The following FHIP2A variants were observed in gnomAD, a reference collection of about 807,000 sequenced individuals.
FHIP2A encodes the protein FHF complex subunit HOOK interacting protein 2A.
Under a neutral mutation model 93.5 loss-of-function variants are expected in FHIP2A, and 46 were observed. The ratio of observed to expected loss-of-function variants is 0.49; its 90% CI spans 0.39 to 0.63. The LOEUF (loss-of-function observed/expected upper bound fraction) is 0.63. FHIP2A is among the 20% of genes least tolerant of loss of function. The pLI, the probability that FHIP2A is intolerant of heterozygous loss-of-function variation, is 0.00. For synonymous variants in FHIP2A, 332 were observed against 326.5 expected (o/e 1.02, Z -0.18); for missense variants, 769 against 909.7 (o/e 0.85, Z 1.99).
chr10:114,862,832 T>A lies in FHIP2A; in HGVS notation c.*1292T>A. ...TCTTCTTCATCTTTCCATTTACTGA[T>A]ATTTGGGGGAACAGGCTATCAAAGG... On this transcript the variant is annotated 3_prime_UTR_variant, in exon 17 of 17. Transcript: ENST00000369248. 1 of 985,466 alleles carries A rather than the reference T, an allele frequency of 1.0e-6. No individual in the cohort carries two copies. The highest frequency in any genetic ancestry group is 1.2e-6 in the Non-Finnish European group (1 of 829,936). 61.0% of individuals were successfully genotyped at this position (985,466 alleles called of 1,614,324 possible). A position where few individuals can be genotyped will look rare whatever the true frequency, so the allele number is the denominator to read the frequency against.
intron 5 of FHIP2A, among the ~76,000 whole-genome samples, chr10:114,841,785 G>A (rs1206180604): frequency 6.6e-6 from 1 of 152,100 alleles, no homozygotes; most frequent in African/African-American, 2.4e-5. Flanking sequence ...AATTCATTCA[G>A]CCTTTAATAT....
chr10:114,834,642 A>G (rs1322169583), intron 3 of FHIP2A, among the ~76,000 whole-genome samples: 3 of 152,224 alleles, frequency 2.0e-5, no homozygotes, highest in African/African-American at 2.4e-5. Context: ...CTTAATCTGC[A>G]GTGTGAGTGA....
Position 114,863,820 on chromosome 10 carries a change from A to G in FHIP2A, c.*2280A>G. 9.4e-7 allele frequency: 1 copy of G among 1,067,652 alleles called. No individual in the cohort carries two copies. Among genetic ancestry groups the G allele is most frequent in the Non-Finnish European group, 1.2e-6 (1 of 869,352 alleles). 66.1% of individuals were successfully genotyped at this position (1,067,652 alleles called of 1,614,324 possible). A position where few individuals can be genotyped will look rare whatever the true frequency, so the allele number is the denominator to read the frequency against. On this transcript the variant is annotated 3_prime_UTR_variant, in exon 17 of 17. Transcript: ENST00000369248. The stretch of plus-strand genomic sequence containing the variant: ...TATGCTGAGTGGAAAGCACCGTCAT[A>G]ACAATTGATTGCCATAGCAAGTTCC...
intron 16 of FHIP2A, among the ~76,000 whole-genome samples, chr10:114,885,759 T>C (rs570230436): frequency 6.6e-5 from 10 of 152,248 alleles, no homozygotes. Context: ...TCATCTCTCA[T>C]TTTTCTCTTC....
At position 114,836,136 on chromosome 10, in the gene FHIP2A, C is replaced by T; in HGVS notation, c.412C>T (p.Leu138Phe). Residue 138 changes from leucine (L) to phenylalanine (F), a missense_variant, in exon 5 of 17, where the codon CTC becomes TTC. Coordinates refer to ENST00000369248, the MANE Select transcript of FHIP2A (RefSeq NM_020940.4). ...ATTGTTTTCACAGAAATTAATTAGA[C>T]TCTGTGGTGAAGTCCTAGCAACACC... The part of the protein sequence containing the change: ...VHRPVQKLIR[L>F]CGEVLATPTE... 6.3e-7 allele frequency: 1 copy of T among 1,578,748 alleles called. No individual in the cohort carries two copies. The highest frequency in any genetic ancestry group is 8.7e-7 in the Non-Finnish European group (1 of 1,155,850).
intron 16 of FHIP2A, among the ~76,000 whole-genome samples, chr10:114,883,501 C>T (rs2083927092): frequency 6.6e-6 from 1 of 152,140 alleles, no homozygotes; most frequent in South Asian, 2.1e-4. Flanking sequence ...GATAAGGCAT[C>T]TAATGGTTCT....
intron 13 of FHIP2A, among the ~76,000 whole-genome samples, chr10:114,854,452 A>G (rs1170375172): frequency 1.3e-5 from 2 of 152,106 alleles, no homozygotes; most frequent in Non-Finnish European, 2.9e-5. Context: ...AGATTGTGCC[A>G]TTGCACTCCA....
Position 114,855,066 on chromosome 10 carries a change from C to T in FHIP2A, c.1804-131C>T, listed in dbSNP as rs186026878. ...ATCTGAGTCATCTCTTCCCCCTCTC[C>T]CTTGGCACCTGAAGCATAGCAGACA... On this transcript the variant is annotated intron_variant, in intron 13 of 16. Transcript: ENST00000369248. 17 of 875,562 alleles carry T rather than the reference C, an allele frequency of 1.9e-5. 1 individual carries two copies. The East Asian group carries it at 4.5e-4, about 23-fold the overall frequency. 54.2% of individuals were successfully genotyped at this position (875,562 alleles called of 1,614,324 possible). A position where few individuals can be genotyped will look rare whatever the true frequency, so the allele number is the denominator to read the frequency against.
intron 1 of FHIP2A, 117 bp downstream of exon 1, chr10:114,822,240 GGTTGGGGTGAGGCCCCAGGCGGGCGC>G: frequency 1.8e-6 from 1 of 542,920 alleles, no homozygotes; most frequent in African/African-American, 2.0e-5. Context: ...CCCTGTCCCC[GGTTGGGGTGAGGCCCCAGGCGGGCGC>G]CCTGGGCGGC....
At chr10:114,848,495 G>T in intron 12 of FHIP2A, 152 bp from the exon 13 acceptor site, 1 of 563,950 alleles carries the variant, frequency 1.8e-6, no homozygotes. Flanking sequence ...TTAATACTTA[G>T]CTGAACTTAC....
intron 16 of FHIP2A, among the ~76,000 whole-genome samples, chr10:114,878,216 G>C (rs2083898743): frequency 6.6e-6 from 1 of 152,100 alleles, no homozygotes; most frequent in South Asian, 2.1e-4. Flanking sequence ...AAAAATTTTA[G>C]AAGCATTATG....
chr10:114,885,552 T>C (rs866033282), intron 16 of FHIP2A, among the ~76,000 whole-genome samples: 14 of 152,374 alleles, frequency 9.2e-5, no homozygotes, highest in South Asian at 8.3e-4. Context: ...GTGCCAGGTT[T>C]TTGACACTAA....
At position 114,890,762 on chromosome 10, in the gene FHIP2A, A is replaced by G. The variant is rs536235824; in HGVS notation, c.2193-8728A>G. Among the ~76,000 whole-genome samples, 13 of 148,716 alleles carry G rather than the reference A, an allele frequency of 8.7e-5. No individual in the cohort carries two copies. In the East Asian group the frequency reaches 2.5e-3, roughly 29 times the overall value. On this transcript the variant is annotated intron_variant, in intron 16 of 16. Transcript: ENST00000369250. The stretch of plus-strand genomic sequence containing the variant: ...ACTGTATATGACATACATATAGTAT[A>G]TAAAATATATACTGTATATGACATA...
chr10:114,878,791 A>AAAAAGAAAG lies in FHIP2A; in HGVS notation c.2192+17460_2192+17461insAGAAAGAAA, dbSNP rs1555247326. Reference sequence around the variant, plus strand: ...ACTTCGCCTCAAAAAAAAAAAAAAAAAAAGAAAGAAAGAAAGAAAGAAAAG... The same window carrying AAAAAGAAAG: ...ACTTCGCCTCAAAAAAAAAAAAAAAAAAAAGAAAGAAAGAAAGAAAGAAAGAAAGAAAAG... On this transcript the variant is annotated intron_variant, in intron 16 of 16. Transcript: ENST00000369250. 8.5e-4 allele frequency among the ~76,000 whole-genome samples: 115 copies of AAAAAGAAAG among 135,512 alleles called. 1 individual carries two copies. The highest frequency in any genetic ancestry group is 4.5e-3 in the South Asian group (18 of 3,988). 88.9% of individuals were successfully genotyped at this position (135,512 alleles called of 152,430 possible). A position where few individuals can be genotyped will look rare whatever the true frequency, so the allele number is the denominator to read the frequency against.
In FHIP2A at chr10:114,863,416, C is replaced by T. The variant is rs2083812066; in HGVS notation, c.*1876C>T. 9.5e-7 allele frequency: 1 copy of T among 1,056,498 alleles called. No individual in the cohort carries two copies. The highest frequency in any genetic ancestry group is 1.1e-6 in the Non-Finnish European group (1 of 871,782). The allele number at this position is 1,056,498 out of a possible 1,614,324, so 65.4% of individuals were successfully genotyped here. ...AGGTGTAGTAGCAATGATATTACCT[C>T]TGAAACCAAATACTCTTTTATCCTT... On this transcript the variant is annotated 3_prime_UTR_variant, in exon 17 of 17. Coordinates refer to ENST00000369248, the MANE Select transcript of FHIP2A (RefSeq NM_020940.4).
chr10:114,874,009 G>C (rs774508654), intron 16 of FHIP2A, among the ~76,000 whole-genome samples: 3 of 151,996 alleles, frequency 2.0e-5, no homozygotes, highest in Admixed American at 6.5e-5. Flanking sequence ...TGGTGCTTTG[G>C]GTCCAGATAG....
At chr10:114,870,768 T>G (rs768749051) in intron 16 of FHIP2A, among the ~76,000 whole-genome samples, 2 of 152,142 alleles carry the variant, frequency 1.3e-5, no homozygotes, top group Non-Finnish European at 2.9e-5. Context: ...TAAGGCAAGT[T>G]CAGTGGGGCT....
At chr10:114,854,022 AG>A (rs1180470790) in intron 13 of FHIP2A, among the ~76,000 whole-genome samples, 2 of 152,240 alleles carry the variant, frequency 1.3e-5, no homozygotes, top group Non-Finnish European at 2.9e-5. Flanking sequence ...TTTCAATTCA[AG>A]TAAATTACAT....
chr10:114,822,109 C>T lies in FHIP2A; in HGVS notation c.31C>T (p.His11Tyr). MFSKFTSILQ[H>Y]AVEALAPSLP... ...CTCCAAGTTCACCTCCATCCTGCAG[C>T]ACGCCGTGGAGGCGGTAAGGCCGCG... is the stretch of plus-strand genomic sequence containing the variant. Residue 11 changes from histidine to tyrosine, a missense_variant, in exon 1 of 17, where the codon CAC (histidine) becomes TAC (tyrosine). Coordinates refer to ENST00000369248, the MANE Select transcript of FHIP2A (RefSeq NM_020940.4). 1 of 1,340,828 alleles carries T rather than the reference C, an allele frequency of 7.5e-7. No individual in the cohort carries two copies. Among genetic ancestry groups the T allele is most frequent in the Non-Finnish European group, 9.8e-7 (1 of 1,023,868 alleles). 83.1% of individuals were successfully genotyped at this position (1,340,828 alleles called of 1,614,324 possible).
Sources: gnomAD v4.1 joint callset for allele counts (sites outside exome capture counted in the v4.1 genomes callset) on GRCh38, gnomAD v4.1.1 for gene constraint, MANE v1.5 for transcripts, NCBI Gene and HGNC (gene_info 2026-07-23, HGNC 2026-07-21) for gene names.